Variants in SPDEF observed in about 807,000 individuals in gnomAD.
SPDEF encodes SAM pointed domain-containing Ets transcription factor.
Under a neutral mutation model 36.0 loss-of-function variants are expected in SPDEF, and 12 were observed. The ratio of observed to expected loss-of-function variants is 0.33; its 90% CI spans 0.21 to 0.54. The LOEUF (loss-of-function observed/expected upper bound fraction) is 0.54, where lower values mean the gene tolerates loss of function less well. Among genes scored for constraint, SPDEF ranks in the 20% least tolerant of loss-of-function variants. SPDEF has a pLI of 0.93. For missense variants in SPDEF, 388 were observed against 456.9 expected (o/e 0.85, Z 1.37); for synonymous variants, 205 against 193.0 (o/e 1.06, Z -0.51).
chr6:34,547,865 T>A (rs1186788406), intron 1 of SPDEF, among the ~76,000 whole-genome samples: 1 of 152,100 alleles, frequency 6.6e-6, no homozygotes, highest in Non-Finnish European at 1.5e-5. Context: ...AACACTTCCC[T>A]GATGAAAAAT....
intron 1 of SPDEF, among the ~76,000 whole-genome samples, chr6:34,545,865 A>T (rs1767941988): frequency 6.6e-6 from 1 of 152,038 alleles, no homozygotes; most frequent in Admixed American, 6.6e-5. Flanking sequence ...GTGAGCCGAG[A>T]TCGTGCCACT....
rs1768007154 is a variant in SPDEF, at chr6:34,549,061, A to G, written c.-29-4577T>C. On this transcript the variant is annotated intron_variant, in intron 1 of 5. Coordinates refer to ENST00000374037, the MANE Select transcript of SPDEF (RefSeq NM_012391.3). The stretch of plus-strand genomic sequence containing the variant: ...GCCATGTCCAGGGTCCTCAGATGGC[A>G]GGACCCAGCGTTCCTGCAGCCTTGG... Among the ~76,000 whole-genome samples the G allele has an allele frequency of 2.6e-5, 4 of 152,344 alleles. No homozygotes were observed. In the South Asian group the frequency reaches 8.3e-4, roughly 32 times the overall value.
chr6:34,539,529 G>C lies in SPDEF; in HGVS notation c.668C>G (p.Ala223Gly). The C allele has an allele frequency of 1.3e-6, 2 of 1,575,108 alleles. No individual in the cohort carries two copies. The highest frequency in any genetic ancestry group is 1.7e-6 in the Non-Finnish European group (2 of 1,161,058). The change falls in exon 4 of 6, where the codon GCG becomes GGG. Residue 223 changes from alanine to glycine, a missense_variant. By Grantham distance (60) the Ala-to-Gly change is moderately conservative. Transcript: ENST00000374037. This position sits in a 1 kb window ranked among gnomAD's most constrained non-coding sequence, Gnocchi z 5.2. ...AWMKERTSPG[A>G]IHYCASTSEE... ...GCCTGGCTCACCACAGTAGTGAATC[G>C]CCCCAGGTGAAGTCCGCTCTTTCAT...
chr6:34,551,089 G>T (rs1014381028), intron 1 of SPDEF, among the ~76,000 whole-genome samples: 17 of 152,222 alleles, frequency 1.1e-4, no homozygotes, highest in Non-Finnish European at 2.1e-4. Flanking sequence ...CGGGGCACCT[G>T]TCCATGCGTG....
chr6:34,549,314 G>A (rs1461290961), intron 1 of SPDEF, among the ~76,000 whole-genome samples: 3 of 152,194 alleles, frequency 2.0e-5, no homozygotes, highest in African/African-American at 7.2e-5. Flanking sequence ...CGGCCAGGGG[G>A]ATTAGCCACC....
chr6:34,545,456 C>T (rs1767930907), intron 1 of SPDEF, among the ~76,000 whole-genome samples: 1 of 152,286 alleles, frequency 6.6e-6, no homozygotes, highest in African/African-American at 2.4e-5. Flanking sequence ...GGCCTTGCTC[C>T]CCACGGGCCG....
At chr6:34,549,190 C>T (rs969326549) in intron 1 of SPDEF, among the ~76,000 whole-genome samples, 2 of 152,068 alleles carry the variant, frequency 1.3e-5, no homozygotes, top group Non-Finnish European at 2.9e-5. Flanking sequence ...TAAGGCTCAG[C>T]GTGTCCTGGC....
rs1286457965 is a variant in SPDEF at position 34,555,362 on chromosome 6, G to A, written c.-30+567C>T. On this transcript the variant is annotated intron_variant, in intron 1 of 5. Coordinates refer to ENST00000374037, the MANE Select transcript of SPDEF (RefSeq NM_012391.3). The surrounding 1 kb of genome is among the most constrained non-coding windows in gnomAD (Gnocchi z 5.2). Reference sequence around the variant, plus strand: ...CAAGGGCTCAGAGTGTGTGCTCAGCGGTGACCCCAGCCCCCTGGTTCCTGT... The same window carrying A: ...CAAGGGCTCAGAGTGTGTGCTCAGCAGTGACCCCAGCCCCCTGGTTCCTGT... 6.6e-6 allele frequency among the ~76,000 whole-genome samples: 1 copy of A among 152,042 alleles called. No homozygotes were observed. Among genetic ancestry groups the A allele is most frequent in the Non-Finnish European group, 1.5e-5 (1 of 68,008 alleles).
rs1767752807 is a variant in SPDEF, at chr6:34,538,941, G to A, written c.829+309C>T. Among the ~76,000 whole-genome samples, 1 of 152,214 alleles carries A rather than the reference G, an allele frequency of 6.6e-6. No individual in the cohort carries two copies. The highest frequency in any genetic ancestry group is 2.4e-5 in the African/African-American group (1 of 41,444). The stretch of plus-strand genomic sequence containing the variant: ...GCTATTCTCAGGCAGTTCGGCCTGT[G>A]CAGCCCTCTCTGGCAGGATTAATTA... On this transcript the variant is annotated intron_variant, in intron 5 of 5. Coordinates refer to ENST00000374037, the MANE Select transcript of SPDEF (RefSeq NM_012391.3). The surrounding 1 kb of genome is among the most constrained non-coding windows in gnomAD (Gnocchi z 5.9).
At chr6:34,546,603 A>G (rs1767958417) in intron 1 of SPDEF, among the ~76,000 whole-genome samples, 1 of 152,192 alleles carries the variant, frequency 6.6e-6, no homozygotes, top group African/African-American at 2.4e-5. Context: ...GAGCCTAGGT[A>G]GAATTTCAGC....
At position 34,544,417 on chromosome 6, in the gene SPDEF, G is replaced by A. The variant is rs1486766193; in HGVS notation, c.39C>T (p.Pro13=). 6.3e-7 allele frequency: 1 copy of A among 1,585,412 alleles called. No individual in the cohort carries two copies. The highest frequency in any genetic ancestry group is 8.6e-7 in the Non-Finnish European group (1 of 1,163,932). ...SASPGLSSVS[P]SHLLLPPDTV... The stretch of plus-strand genomic sequence containing the variant: ...TGTCGGGGGGCAGCAGGAGGTGGCT[G>A]GGGGATACGCTGCTCAGACCCGGGC... Residue 13 remains proline (P), a synonymous_variant, in exon 2 of 6, where the codon CCC becomes CCT. Transcript: ENST00000374037. The surrounding 1 kb of genome is among the most constrained non-coding windows in gnomAD (Gnocchi z 4.4).
In SPDEF at chr6:34,555,946, C is replaced by G. The variant is rs1213888194; in HGVS notation, c.-47G>C. The stretch of plus-strand genomic sequence containing the variant: ...GGACTCACCTGTTAGCTGCCTGGTG[C>G]CCAGGGAGCTGTCTGCTGCAGTGCC... On this transcript the variant is annotated 5_prime_UTR_variant, in exon 1 of 6. Coordinates refer to ENST00000374037, the MANE Select transcript of SPDEF (RefSeq NM_012391.3). The surrounding 1 kb of genome is among the most constrained non-coding windows in gnomAD (Gnocchi z 5.2). 7 of 152,498 alleles carry G rather than the reference C, an allele frequency of 4.6e-5. No individual in the cohort carries two copies. The highest frequency in any genetic ancestry group is 4.6e-4 in the Admixed American group (7 of 15,272). 9.4% of individuals were successfully genotyped at this position (152,498 alleles called of 1,614,324 possible). A position where few individuals can be genotyped will look rare whatever the true frequency, so the allele number is the denominator to read the frequency against.
Position 34,549,842 on chromosome 6 carries a change from C to T in SPDEF, c.-29-5358G>A, listed in dbSNP as rs1192012235. On this transcript the variant is annotated intron_variant, in intron 1 of 5. Transcript: ENST00000374037. Reference sequence around the variant, plus strand: ...GCTGCTCAGCCCCCAGCCGGCCTCACTGCAGGAGGAAGAGGTCTGATGGGG... The same window carrying T: ...GCTGCTCAGCCCCCAGCCGGCCTCATTGCAGGAGGAAGAGGTCTGATGGGG... Among the ~76,000 whole-genome samples the T allele has an allele frequency of 2.6e-5, 4 of 152,242 alleles. No individual in the cohort carries two copies. In the East Asian group the frequency reaches 5.8e-4, roughly 22 times the overall value.
At chr6:34,542,805 G>A (rs953661949) in intron 2 of SPDEF, among the ~76,000 whole-genome samples, 4 of 149,038 alleles carry the variant, frequency 2.7e-5, no homozygotes, top group African/African-American at 1.0e-4. Flanking sequence ...CAGGAGAATC[G>A]CTTGAACCCA....
At position 34,555,110 on chromosome 6, in the gene SPDEF, ACACATACTTCCGCGCACACACACGCACG is replaced by A. The variant is rs1306908594; in HGVS notation, c.-30+791_-30+818del. Among the ~76,000 whole-genome samples the A allele has an allele frequency of 6.6e-6, 1 of 151,536 alleles. No homozygotes were observed. Among genetic ancestry groups the A allele is most frequent in the East Asian group, 1.9e-4 (1 of 5,156 alleles). ...ACGCGCACATGCACACACCACACACACACATACTTCCGCGCACACACACGCACGCACACACCTCCACCAGCCTCAGGGG... is the reference window on the plus strand; with the variant it reads ...ACGCGCACATGCACACACCACACACACACACACCTCCACCAGCCTCAGGGG... On this transcript the variant is annotated intron_variant, in intron 1 of 5. Coordinates refer to ENST00000374037, the MANE Select transcript of SPDEF (RefSeq NM_012391.3). The surrounding 1 kb of genome is among the most constrained non-coding windows in gnomAD (Gnocchi z 5.2).
intron 1 of SPDEF, among the ~76,000 whole-genome samples, chr6:34,554,271 C>A (rs1292610355): frequency 6.6e-6 from 1 of 152,182 alleles, no homozygotes; most frequent in African/African-American, 2.4e-5. Flanking sequence ...ATACTCACAA[C>A]GACCTCAGTG....
intron 1 of SPDEF, among the ~76,000 whole-genome samples, chr6:34,549,861 G>A (rs1297565196): frequency 1.3e-5 from 2 of 152,210 alleles, no homozygotes; most frequent in Non-Finnish European, 2.9e-5. Flanking sequence ...GAAGAGGTCT[G>A]ATGGGGAACA....
chr6:34,538,815 G>T lies in SPDEF; in HGVS notation c.830-363C>A, dbSNP rs978933520. 1.3e-5 allele frequency among the ~76,000 whole-genome samples: 2 copies of T among 152,178 alleles called. No individual in the cohort carries two copies. Among genetic ancestry groups the T allele is most frequent in the East Asian group, 3.8e-4 (2 of 5,198 alleles). On this transcript the variant is annotated intron_variant, in intron 5 of 5. Transcript: ENST00000374037. The surrounding 1 kb of genome is among the most constrained non-coding windows in gnomAD (Gnocchi z 5.9). The stretch of plus-strand genomic sequence containing the variant: ...TGGGGTTTGCATGACCTAATGCAAA[G>T]TCCTGTGTGGCTCCCAGCAGTGCCC...
rs1200446333 is a variant in SPDEF, at chr6:34,555,263, T to C, written c.-30+666A>G. ...CTGGCAAATCTTAGAAATGAGCACC[T>C]TCGAGGTACTGCTACTGTTGCTTTC... On this transcript the variant is annotated intron_variant, in intron 1 of 5. Coordinates refer to ENST00000374037, the MANE Select transcript of SPDEF (RefSeq NM_012391.3). This position sits in a 1 kb window ranked among gnomAD's most constrained non-coding sequence, Gnocchi z 5.2. Among the ~76,000 whole-genome samples the C allele has an allele frequency of 6.6e-6, 1 of 152,018 alleles. No individual in the cohort carries two copies. Among genetic ancestry groups the C allele is most frequent in the Non-Finnish European group, 1.5e-5 (1 of 68,000 alleles).
Sources: allele counts gnomAD v4.1 joint callset (sites outside exome capture counted in the v4.1 genomes callset), GRCh38; gene constraint gnomAD v4.1.1; non-coding constraint Gnocchi (gnomAD v3.1); transcripts MANE v1.5; gene names NCBI Gene and HGNC (gene_info 2026-07-23, HGNC 2026-07-21).